Variants in MAP7D2 observed in about 807,000 individuals in gnomAD.
MAP7D2 encodes the protein MAP7 domain-containing protein 2.
A neutral mutation model predicts 63.5 loss-of-function variants in MAP7D2; 33 were observed. The ratio of observed to expected loss-of-function variants is 0.52; its 90% CI spans 0.39 to 0.70. MAP7D2 has a LOEUF of 0.70. Ranked by LOEUF, MAP7D2 falls within the 30% of genes least tolerant of loss-of-function variation. MAP7D2 has a pLI of 0.00. For synonymous variants in MAP7D2, 224 were observed against 223.7 expected (o/e 1.00, Z -0.01); for missense variants, 626 against 604.0 (o/e 1.04, Z -0.38).
chrX:20,056,134 C>A (rs1372860554), intron 4 of MAP7D2, among the ~76,000 whole-genome samples: 1 of 111,342 alleles, frequency 9.0e-6, no homozygotes, highest in Non-Finnish European at 1.9e-5. Context: ...GAAAAGCCAT[C>A]CAGAGACTAG....
chrX:20,116,696 C>T, intron 1 of MAP7D2, 54 bp downstream of exon 1: 1 of 1,115,401 alleles, frequency 9.0e-7, no homozygotes, highest in Non-Finnish European at 1.2e-6. Context: ...CCGGGCCCGC[C>T]CCCCCACAGG....
chrX:20,109,519 C>G (rs1411104391), intron 1 of MAP7D2, among the ~76,000 whole-genome samples: 1 of 33,001 alleles, frequency 3.0e-5, no homozygotes, highest in South Asian at 2.0e-3. Flanking sequence ...GACTCCGTCT[C>G]AAAAAAAAAA....
intron 10 of MAP7D2, chrX:20,017,025 G>A (rs1440952585): frequency 8.8e-6 from 1 of 113,883 alleles, no homozygotes; most frequent in Non-Finnish European, 1.9e-5. Context: ...AGCAGTAAGG[G>A]AAAATCCTGT....
At chrX:20,104,203 T>C (rs2066507356) in intron 1 of MAP7D2, among the ~76,000 whole-genome samples, 1 of 111,944 alleles carries the variant, frequency 8.9e-6, no homozygotes, top group East Asian at 2.8e-4. Context: ...TAAAATCAAG[T>C]GAAGTGGAAA....
chrX:20,057,303 T>C (rs1363210143), intron 3 of MAP7D2, among the ~76,000 whole-genome samples: 4 of 111,977 alleles, frequency 3.6e-5, no homozygotes, highest in African/African-American at 1.3e-4. Context: ...CTGTTTTACA[T>C]AGTGTGACGC....
intron 8 of MAP7D2, among the ~76,000 whole-genome samples, chrX:20,026,188 C>T (rs1034129272): frequency 9.0e-6 from 1 of 111,473 alleles, no homozygotes; most frequent in African/African-American, 3.3e-5. Flanking sequence ...GCTGATGATG[C>T]CATGTCCTAA....
chrX:20,057,049 C>T (rs2065087119), intron 3 of MAP7D2, among the ~76,000 whole-genome samples: 1 of 112,571 alleles, frequency 8.9e-6, no homozygotes, highest in African/African-American at 3.2e-5. Context: ...GAGAAGCTGC[C>T]CTAGGAATAA....
chrX:20,071,788 G>GTT (rs1037019204), intron 1 of MAP7D2, among the ~76,000 whole-genome samples: 9 of 111,483 alleles, frequency 8.1e-5, no homozygotes, highest in African/African-American at 2.9e-4. Flanking sequence ...AGGTCTGTTT[G>GTT]TTTTGTTTTG....
At chrX:20,017,965 CTTTTTTTTTT>C (rs141142969) in intron 10 of MAP7D2, among the ~76,000 whole-genome samples, 2 of 85,720 alleles carry the variant, frequency 2.3e-5, no homozygotes, top group African/African-American at 9.8e-5. Flanking sequence ...AATCCATTCT[CTTTTTTTTTT>C]TTTTTTTTTT....
At chrX:20,084,245 A>G (rs942536495) in intron 1 of MAP7D2, among the ~76,000 whole-genome samples, 1 of 109,389 alleles carries the variant, frequency 9.1e-6, no homozygotes, top group Non-Finnish European at 1.9e-5. Context: ...GAGTAGTGCC[A>G]AGGGTAAGGA....
At chrX:20,028,784 A>G (rs1468560909) in intron 8 of MAP7D2, among the ~76,000 whole-genome samples, 1 of 111,935 alleles carries the variant, frequency 8.9e-6, no homozygotes, top group Non-Finnish European at 1.9e-5. Context: ...GTGTCCTTTG[A>G]TCCAACAACA....
chrX:20,062,486 A>T (rs1164410894), intron 3 of MAP7D2, among the ~76,000 whole-genome samples: 2 of 111,653 alleles, frequency 1.8e-5, no homozygotes, highest in African/African-American at 6.5e-5. Context: ...TTCTTTAAAA[A>T]AAAAAGAAGG....
At chrX:20,109,246 T>C (rs760985807) in intron 1 of MAP7D2, among the ~76,000 whole-genome samples, 37 of 109,351 alleles carry the variant, frequency 3.4e-4, no homozygotes, top group Non-Finnish European at 6.8e-4. Flanking sequence ...TCTGGGTCAG[T>C]CATGGTGGCT....
At chrX:20,018,031 A>G (rs2073473440) in intron 10 of MAP7D2, among the ~76,000 whole-genome samples, 1 of 105,063 alleles carries the variant, frequency 9.5e-6, no homozygotes, top group African/African-American at 3.5e-5. Context: ...CAATGGTGCA[A>G]CCTTGGCTCA....
intron 4 of MAP7D2, among the ~76,000 whole-genome samples, chrX:20,054,959 G>A (rs1051878701): frequency 6.2e-5 from 7 of 112,209 alleles, no homozygotes; most frequent in South Asian, 7.3e-4. Flanking sequence ...CTGCTGTTAC[G>A]AAGCACCCCC....
At chrX:20,113,901 G>A (rs2066817423) in intron 1 of MAP7D2, among the ~76,000 whole-genome samples, 1 of 111,600 alleles carries the variant, frequency 9.0e-6, no homozygotes, top group Non-Finnish European at 1.9e-5. Context: ...TTACCCTGTT[G>A]TGCTATCAAA....
intron 5 of MAP7D2, among the ~76,000 whole-genome samples, chrX:20,051,721 T>C (rs2064957246): frequency 8.9e-6 from 1 of 112,194 alleles, no homozygotes; most frequent in African/African-American, 3.2e-5. Flanking sequence ...AAAATATATC[T>C]TTTCATACTT....
At chrX:20,104,248 G>C (rs1345726717) in intron 1 of MAP7D2, among the ~76,000 whole-genome samples, 1 of 112,304 alleles carries the variant, frequency 8.9e-6, no homozygotes, top group African/African-American at 3.2e-5. Context: ...AGGGAGAGCA[G>C]GAACATGTTT....
intron 1 of MAP7D2, among the ~76,000 whole-genome samples, chrX:20,071,609 T>C (rs1423533477): frequency 8.9e-6 from 1 of 111,843 alleles, no homozygotes; most frequent in African/African-American, 3.3e-5. Flanking sequence ...GTGTTCTAGA[T>C]TATGGTGATT....
Sources: allele counts gnomAD v4.1 joint callset (sites outside exome capture counted in the v4.1 genomes callset), GRCh38; gene constraint gnomAD v4.1.1; transcripts MANE v1.5; gene names NCBI Gene and HGNC (gene_info 2026-07-23, HGNC 2026-07-21).